Variants in KCNB2 observed in about 807,000 individuals in gnomAD.
KCNB2 encodes the protein delayed rectifier potassium channel protein.
KCNB2 carries 15 observed loss-of-function variants against 61.5 expected under a neutral mutation model. That is an observed-to-expected ratio of 0.24 (90% CI 0.16 to 0.38). The LOEUF (loss-of-function observed/expected upper bound fraction) is 0.38. Ranked by LOEUF, KCNB2 falls within the 10% of genes least tolerant of loss-of-function variation. The probability of loss-of-function intolerance (pLI) is 1.00; values close to 1 mark genes in which losing one functional copy is unlikely to be tolerated. For missense variants in KCNB2, 828 were observed against 1,125.2 expected (o/e 0.74, Z 3.78); for synonymous variants, 457 against 446.0 (o/e 1.02, Z -0.31).
At chr8:72,840,332 C>A (rs533787967) in intron 2 of KCNB2, among the ~76,000 whole-genome samples, 1 of 152,240 alleles carries the variant, frequency 6.6e-6, no homozygotes, top group Non-Finnish European at 1.5e-5. Flanking sequence ...TGGATTGGTT[C>A]CAAGTCTTTG....
At chr8:72,798,046 T>C (rs1301826928) in intron 2 of KCNB2, among the ~76,000 whole-genome samples, 1 of 152,200 alleles carries the variant, frequency 6.6e-6, no homozygotes, top group Non-Finnish European at 1.5e-5. Flanking sequence ...AACTCTTTCC[T>C]TCAAAGTATT....
At chr8:72,719,117 T>G (rs796816247) in intron 2 of KCNB2, among the ~76,000 whole-genome samples, 33 of 152,286 alleles carry the variant, frequency 2.2e-4, no homozygotes, top group African/African-American at 7.7e-4. Context: ...GTTTGTTTGT[T>G]TTTGCTGGTA....
intron 2 of KCNB2, among the ~76,000 whole-genome samples, chr8:72,843,559 G>GCA (rs1563401786): frequency 7.6e-4 from 116 of 152,118 alleles, no homozygotes; most frequent in African/African-American, 2.7e-3. Context: ...CACTCTTATT[G>GCA]TGTGCAAGTC....
At chr8:72,767,073 A>G (rs1808471556) in intron 2 of KCNB2, among the ~76,000 whole-genome samples, 1 of 152,162 alleles carries the variant, frequency 6.6e-6, no homozygotes, top group African/African-American at 2.4e-5. Flanking sequence ...AGCATGGGAA[A>G]AACCAGCACC....
intron 2 of KCNB2, among the ~76,000 whole-genome samples, chr8:72,632,599 C>T (rs1457999412): frequency 6.6e-6 from 1 of 152,174 alleles, no homozygotes; most frequent in Non-Finnish European, 1.5e-5. Flanking sequence ...ATGCTGCTGA[C>T]CTTTGTGCTG....
intron 2 of KCNB2, among the ~76,000 whole-genome samples, chr8:72,762,140 G>A (rs890339640): frequency 6.6e-6 from 1 of 152,162 alleles, no homozygotes; most frequent in African/African-American, 2.4e-5. Context: ...AAACAAACAT[G>A]CAACCATGTC....
At position 72,927,695 on chromosome 8, in the gene KCNB2, G is replaced by A. The variant is rs182505683; in HGVS notation, c.580-8240G>A. On this transcript the variant is annotated intron_variant, in intron 2 of 2. Coordinates refer to ENST00000523207, the MANE Select transcript of KCNB2 (RefSeq NM_004770.3). ...CACAAAACATAGAGGCATCATTCACGTTATAGTCTCTTGATGGGTTCTTTC... is the reference window on the plus strand; with the variant it reads ...CACAAAACATAGAGGCATCATTCACATTATAGTCTCTTGATGGGTTCTTTC... 6.6e-5 allele frequency among the ~76,000 whole-genome samples: 10 copies of A among 152,286 alleles called. No individual in the cohort carries two copies. The East Asian group carries it at 1.7e-3, about 26-fold the overall frequency.
At chr8:72,831,533 TCAAA>T (rs905948494) in intron 2 of KCNB2, among the ~76,000 whole-genome samples, 2 of 152,234 alleles carry the variant, frequency 1.3e-5, no homozygotes, top group African/African-American at 4.8e-5. Flanking sequence ...TGGGTGTGAT[TCAAA>T]CAGTGGACAC....
At chr8:72,840,181 T>C (rs1809856311) in intron 2 of KCNB2, among the ~76,000 whole-genome samples, 2 of 152,120 alleles carry the variant, frequency 1.3e-5, no homozygotes, top group Admixed American at 1.3e-4. Context: ...TGTTCCTGTG[T>C]TACTTTGCTG....
rs182347625 is a variant in KCNB2 at position 72,822,038 on chromosome 8, G to C, written c.580-113897G>C. The stretch of plus-strand genomic sequence containing the variant: ...ACCAACAGCTCATCCCGTGCTACTT[G>C]CAACTGCCTGCAAACCAGTGTAGGC... On this transcript the variant is annotated intron_variant, in intron 2 of 2. Transcript: ENST00000523207. Among the ~76,000 whole-genome samples the C allele has an allele frequency of 3.0e-3, 464 of 152,140 alleles. 1 individual carries two copies. Among genetic ancestry groups the C allele is most frequent in the Non-Finnish European group, 5.2e-3 (357 of 68,010 alleles).
chr8:72,579,314 T>C (rs57255503), intron 2 of KCNB2, among the ~76,000 whole-genome samples: 8,937 of 152,220 alleles, frequency 0.059, 624 homozygotes, highest in African/African-American at 0.17. Context: ...TTGTAAATCT[T>C]TTCATGAGTT....
chr8:72,566,182 T>A (rs2128978866), intron 1 of KCNB2, among the ~76,000 whole-genome samples: 1 of 152,132 alleles, frequency 6.6e-6, no homozygotes, highest in Non-Finnish European at 1.5e-5. Flanking sequence ...AGATGAAAAG[T>A]GAAGGTGGAG....
chr8:72,844,527 G>A (rs1268519181), intron 2 of KCNB2, among the ~76,000 whole-genome samples: 1 of 152,188 alleles, frequency 6.6e-6, no homozygotes, highest in Non-Finnish European at 1.5e-5. Flanking sequence ...ATATCCTGAA[G>A]AGTGTTTTCC....
intron 2 of KCNB2, among the ~76,000 whole-genome samples, chr8:72,850,280 T>C (rs1273280697): frequency 6.6e-6 from 1 of 151,326 alleles, no homozygotes; most frequent in African/African-American, 2.4e-5. Flanking sequence ...AATGCTGGGG[T>C]ACGATCTTGG....
intron 2 of KCNB2, among the ~76,000 whole-genome samples, chr8:72,601,427 T>A (rs1272816898): frequency 6.6e-6 from 1 of 152,214 alleles, no homozygotes; most frequent in African/African-American, 2.4e-5. Context: ...TCATGAACCA[T>A]CTGAGTTTAG....
intron 2 of KCNB2, among the ~76,000 whole-genome samples, chr8:72,596,142 T>G: frequency 6.6e-6 from 1 of 152,224 alleles, no homozygotes; most frequent in East Asian, 1.9e-4. Context: ...ATACCCAATT[T>G]GTAGTTGAGA....
rs564702462 is a variant in KCNB2 at position 72,786,392 on chromosome 8, C to G, written c.580-149543C>G. 1.1e-4 allele frequency among the ~76,000 whole-genome samples: 17 copies of G among 152,228 alleles called. No homozygotes were observed. The South Asian group carries it at 3.5e-3, about 32-fold the overall frequency. On this transcript the variant is annotated intron_variant, in intron 2 of 2. Transcript: ENST00000523207. ...TTGAAATGCTCTCAGGAAGAGTACCCATGTTTAAGAATCTACCCAATGCTT... is the reference window on the plus strand; with the variant it reads ...TTGAAATGCTCTCAGGAAGAGTACCGATGTTTAAGAATCTACCCAATGCTT...
chr8:72,935,827 G>A, intron 2 of KCNB2, 108 bp from the exon 3 acceptor site: 1 of 759,374 alleles, frequency 1.3e-6, no homozygotes, highest in Non-Finnish European at 2.2e-6. Flanking sequence ...AATCTTCTTG[G>A]AAGAACTTGG....
chr8:72,780,811 A>G (rs916243092), intron 2 of KCNB2, among the ~76,000 whole-genome samples: 1 of 152,204 alleles, frequency 6.6e-6, no homozygotes, highest in Non-Finnish European at 1.5e-5. Context: ...GTCTTCCACA[A>G]TGGTTGAACT....
Sources: gnomAD v4.1 joint callset for allele counts (sites outside exome capture counted in the v4.1 genomes callset) on GRCh38, gnomAD v4.1.1 for gene constraint, MANE v1.5 for transcripts, NCBI Gene and HGNC (gene_info 2026-07-23, HGNC 2026-07-21) for gene names.